Variants in NELL1 observed in about 807,000 individuals in gnomAD.
The protein encoded by NELL1 is protein kinase C-binding protein NELL1.
In NELL1, 76 loss-of-function variants were observed where a neutral mutation model predicts 107.4. The ratio of observed to expected loss-of-function variants is 0.71; its 90% CI spans 0.59 to 0.86. NELL1 has a LOEUF of 0.86. Ranked by LOEUF, NELL1 falls within the 40% of genes least tolerant of loss-of-function variation. The pLI, the probability that NELL1 is intolerant of heterozygous loss-of-function variation, is 0.00. For synonymous variants in NELL1, 353 were observed against 341.2 expected, an observed-to-expected ratio of 1.03 and a Z score of -0.38; for missense variants, 1,024 against 1,005.5, an observed-to-expected ratio of 1.02 and a Z score of -0.25.
intron 12 of NELL1, among the ~76,000 whole-genome samples, chr11:21,092,829 T>A (rs773832531): frequency 7.5e-4 from 114 of 152,098 alleles, no homozygotes; most frequent in Non-Finnish European, 1.4e-3. Context: ...TGGGAAGTAG[T>A]TGGGAGGCTT....
At chr11:21,029,121 G>C (rs1852891216) in intron 12 of NELL1, among the ~76,000 whole-genome samples, 1 of 152,026 alleles carries the variant, frequency 6.6e-6, no homozygotes, top group African/African-American at 2.4e-5. Context: ...CGTCTTGTTT[G>C]GGTGGTAAGG....
At chr11:21,498,598 A>G (rs1373035276) in intron 15 of NELL1, among the ~76,000 whole-genome samples, 1 of 151,898 alleles carries the variant, frequency 6.6e-6, no homozygotes, top group Non-Finnish European at 1.5e-5. Flanking sequence ...TTTAATACAA[A>G]TAATGTCTCA....
intron 2 of NELL1, among the ~76,000 whole-genome samples, chr11:20,684,261 A>G (rs1195621648): frequency 1.3e-5 from 2 of 151,982 alleles, no homozygotes; most frequent in African/African-American, 4.8e-5. Context: ...TAAAACAAAA[A>G]TTATTTTAAA....
chr11:21,073,826 G>A (rs1204535042), intron 12 of NELL1, among the ~76,000 whole-genome samples: 5 of 152,030 alleles, frequency 3.3e-5, no homozygotes, highest in Middle Eastern at 3.2e-3. Flanking sequence ...CAATTAATTC[G>A]AGTGCTATAA....
intron 12 of NELL1, among the ~76,000 whole-genome samples, chr11:21,100,021 C>CT (rs557185341): frequency 0.024 from 3,551 of 146,116 alleles, 149 homozygotes; most frequent in African/African-American, 0.077. Context: ...CATTTTAGCC[C>CT]TTTTTTTTTT....
At chr11:21,256,683 C>G (rs560270203) in intron 14 of NELL1, among the ~76,000 whole-genome samples, 2 of 152,172 alleles carry the variant, frequency 1.3e-5, no homozygotes, top group South Asian at 2.1e-4. Flanking sequence ...CACATAGTGT[C>G]TGTCTTTCAA....
intron 15 of NELL1, among the ~76,000 whole-genome samples, chr11:21,490,113 A>T (rs565394390): frequency 6.6e-6 from 1 of 152,116 alleles, no homozygotes; most frequent in African/African-American, 2.4e-5. Context: ...GAAAATTAAT[A>T]TACAAAAATC....
At chr11:20,708,733 G>T (rs1299401177) in intron 2 of NELL1, among the ~76,000 whole-genome samples, 1 of 151,948 alleles carries the variant, frequency 6.6e-6, no homozygotes, top group Admixed American at 6.6e-5. Context: ...GTTTAATTAG[G>T]TCCCATCCAT....
intron 2 of NELL1, among the ~76,000 whole-genome samples, chr11:20,739,927 G>A (rs759003492): frequency 1.3e-5 from 2 of 152,248 alleles, no homozygotes; most frequent in South Asian, 2.1e-4. Context: ...ACCCTCAAGC[G>A]CCATCGTTAT....
intron 15 of NELL1, among the ~76,000 whole-genome samples, chr11:21,469,373 G>T (rs935361112): frequency 6.6e-6 from 1 of 152,100 alleles, no homozygotes; most frequent in African/African-American, 2.4e-5. Context: ...AAAAAGTCTT[G>T]CAGGAGTACC....
intron 5 of NELL1, among the ~76,000 whole-genome samples, chr11:20,891,355 G>GA (rs1419553214): frequency 2.6e-5 from 4 of 152,150 alleles, no homozygotes. Flanking sequence ...AAGAGCTGCT[G>GA]AAAGAAACAA....
At chr11:21,485,894 C>A (rs1011519507) in intron 15 of NELL1, among the ~76,000 whole-genome samples, 1 of 152,038 alleles carries the variant, frequency 6.6e-6, no homozygotes, top group Non-Finnish European at 1.5e-5. Context: ...AACACTTTTC[C>A]CAGGGTTTGA....
At chr11:20,882,297 CA>C (rs761812638) in intron 4 of NELL1, among the ~76,000 whole-genome samples, 3 of 152,222 alleles carry the variant, frequency 2.0e-5, no homozygotes, top group Non-Finnish European at 4.4e-5. Context: ...CCATTCCCAC[CA>C]GGCCTGTGAT....
intron 15 of NELL1, among the ~76,000 whole-genome samples, chr11:21,437,434 A>C (rs1254419102): frequency 6.6e-6 from 1 of 152,154 alleles, no homozygotes. Flanking sequence ...ATCTCGGCTC[A>C]CCGCAACCTC....
At chr11:21,559,158 T>C (rs143758854) in intron 16 of NELL1, among the ~76,000 whole-genome samples, 148 of 152,258 alleles carry the variant, frequency 9.7e-4, no homozygotes, top group African/African-American at 3.5e-3. Flanking sequence ...TCATCTGCTT[T>C]GTATTGCACC....
chr11:21,397,607 A>G (rs1378519429), intron 15 of NELL1, among the ~76,000 whole-genome samples: 1 of 151,844 alleles, frequency 6.6e-6, no homozygotes, highest in East Asian at 2.0e-4. Context: ...TAAATATTTT[A>G]TAATTACACA....
At chr11:20,860,017 C>G (rs1287341882) in intron 4 of NELL1, among the ~76,000 whole-genome samples, 2 of 152,150 alleles carry the variant, frequency 1.3e-5, no homozygotes, top group East Asian at 3.9e-4. Flanking sequence ...TGTGTATAGT[C>G]TAGTCCACGT....
chr11:21,498,776 G>A lies in NELL1; in HGVS notation c.1646-35598G>A, dbSNP rs182414504. Reference sequence around the variant, plus strand: ...TACCCATTTATACCATTGTAGGAGAGTTGCTTTTCTACATATTTTCACTGC... The same window carrying A: ...TACCCATTTATACCATTGTAGGAGAATTGCTTTTCTACATATTTTCACTGC... On this transcript the variant is annotated intron_variant, in intron 15 of 19. Transcript: ENST00000357134. Among the ~76,000 whole-genome samples, 66 of 152,110 alleles carry A rather than the reference G, an allele frequency of 4.3e-4. 1 individual carries two copies. Among genetic ancestry groups the A allele is most frequent in the African/African-American group, 1.5e-3 (61 of 41,544 alleles).
At chr11:21,374,493 C>T (rs544903256) in intron 15 of NELL1, among the ~76,000 whole-genome samples, 1 of 152,134 alleles carries the variant, frequency 6.6e-6, no homozygotes, top group South Asian at 2.1e-4. Context: ...AAGGAGGAAG[C>T]TGTAATGCTT....
Sources: gnomAD v4.1 joint callset for allele counts (sites outside exome capture counted in the v4.1 genomes callset) on GRCh38, gnomAD v4.1.1 for gene constraint, MANE v1.5 for transcripts, NCBI Gene and HGNC (gene_info 2026-07-23, HGNC 2026-07-21) for gene names.